The following MYO3A variants were observed in gnomAD, a reference collection of about 807,000 sequenced individuals.
The protein encoded by MYO3A is myosin IIIA.
Under a neutral mutation model 192.7 loss-of-function variants are expected in MYO3A, and 180 were observed. That is an observed-to-expected ratio of 0.93 (90% CI 0.83 to 1.06). The LOEUF is 1.06. MYO3A is among the 50% of genes least tolerant of loss of function. The probability of loss-of-function intolerance (pLI) is 0.00; values close to 1 mark genes in which losing one functional copy is unlikely to be tolerated. For missense variants in MYO3A, 1,896 were observed against 1,905.0 expected (o/e 1.00, Z 0.09); for synonymous variants, 628 against 645.3 (o/e 0.97, Z 0.41).
At chr10:26,017,753 A>G (rs1179818076) in intron 7 of MYO3A, among the ~76,000 whole-genome samples, 1 of 151,776 alleles carries the variant, frequency 6.6e-6, no homozygotes, top group African/African-American at 2.4e-5. Context: ...AAAATCCACA[A>G]TGGATTAAAA....
chr10:26,032,475 G>A (rs938328812), intron 10 of MYO3A, among the ~76,000 whole-genome samples: 1 of 152,080 alleles, frequency 6.6e-6, no homozygotes, highest in Non-Finnish European at 1.5e-5. Flanking sequence ...AATTAGCCAG[G>A]TGTGGTGGCA....
chr10:26,172,438 C>T (rs554228070), intron 29 of MYO3A, among the ~76,000 whole-genome samples: 67 of 152,254 alleles, frequency 4.4e-4, no homozygotes, highest in African/African-American at 1.5e-3. Context: ...CCCAGCCAGC[C>T]GCAACACAGA....
At chr10:26,148,597 TC>T (rs1840610325) in intron 23 of MYO3A, among the ~76,000 whole-genome samples, 1 of 152,244 alleles carries the variant, frequency 6.6e-6, no homozygotes, top group African/African-American at 2.4e-5. Flanking sequence ...AGAATTGGTA[TC>T]TTCCCAACAT....
At chr10:26,122,152 CA>C (rs1404068535) in intron 18 of MYO3A, among the ~76,000 whole-genome samples, 1 of 152,068 alleles carries the variant, frequency 6.6e-6, no homozygotes, top group East Asian at 1.9e-4. Context: ...TAGCAGCAGC[CA>C]ATGGAATGAG....
Position 26,189,985 on chromosome 10 carries a change from C to T in MYO3A, c.4439-3220C>T, listed in dbSNP as rs575684530. Among the ~76,000 whole-genome samples, 25 of 152,238 alleles carry T rather than the reference C, an allele frequency of 1.6e-4. No individual in the cohort carries two copies. The South Asian group carries it at 5.2e-3, about 32-fold the overall frequency. ...GAATGAGGCAGGAGAATAGCTTGAACCAGGGAGGCAGAGGTTGCAGTGAGC... is the reference window on the plus strand; with the variant it reads ...GAATGAGGCAGGAGAATAGCTTGAATCAGGGAGGCAGAGGTTGCAGTGAGC... On this transcript the variant is annotated intron_variant, in intron 31 of 34. Transcript: ENST00000642920.
intron 34 of MYO3A, 128 bp from the exon 35 acceptor site, chr10:26,211,715 T>C: frequency 2.1e-6 from 3 of 1,436,782 alleles, no homozygotes; most frequent in Non-Finnish European, 2.9e-6. Context: ...TCGTTTCGAT[T>C]GTGCCTTTCC....
chr10:26,179,584 T>C (rs1257765859), intron 31 of MYO3A, among the ~76,000 whole-genome samples: 1 of 152,196 alleles, frequency 6.6e-6, no homozygotes, highest in Non-Finnish European at 1.5e-5. Context: ...ATTGACATTG[T>C]CAAGTGAGAA....
chr10:25,973,764 C>G lies in MYO3A; in HGVS notation c.303+18756C>G, dbSNP rs915607800. ...AGACATATAGATCAATGGAACAGAA[C>G]AGACACCTAAGAAATAACACCACAC... On this transcript the variant is annotated intron_variant, in intron 4 of 34. Coordinates refer to ENST00000642920, the MANE Select transcript of MYO3A (RefSeq NM_017433.5). Among the ~76,000 whole-genome samples the G allele has an allele frequency of 2.0e-5, 3 of 152,094 alleles. No individual in the cohort carries two copies. The South Asian group carries it at 6.2e-4, about 32-fold the overall frequency.
At chr10:26,206,543 G>A (rs1252648414) in intron 34 of MYO3A, among the ~76,000 whole-genome samples, 1 of 151,824 alleles carries the variant, frequency 6.6e-6, no homozygotes, top group Non-Finnish European at 1.5e-5. Flanking sequence ...CCACCTCCCA[G>A]GTTCAAGTGA....
chr10:25,973,989 T>G (rs1838819231), intron 4 of MYO3A, among the ~76,000 whole-genome samples: 1 of 152,092 alleles, frequency 6.6e-6, no homozygotes, highest in Non-Finnish European at 1.5e-5. Flanking sequence ...GTAAAAACCC[T>G]CGAAGAAAAC....
At chr10:26,145,323 A>G (rs900407043) in intron 21 of MYO3A, 123 bp from the exon 22 acceptor site, 10 of 693,346 alleles carry the variant, frequency 1.4e-5, no homozygotes, top group Non-Finnish European at 1.8e-5. Context: ...AAATCTGCAT[A>G]TATTAGCTAT....
In MYO3A at chr10:26,021,245, C is replaced by T. The variant is rs147399440; in HGVS notation, c.586-258C>T. Among the ~76,000 whole-genome samples the T allele has an allele frequency of 3.0e-3, 450 of 152,224 alleles. 3 individuals are homozygous for T. Among genetic ancestry groups the T allele is most frequent in the African/African-American group, 0.01 (436 of 41,540 alleles). ...ACACGATTTCTTTCCTCTTTTTGTT[C>T]CATATTTTCAAAAATATTTTTCATA... On this transcript the variant is annotated intron_variant, in intron 7 of 34. Transcript: ENST00000642920.
At chr10:26,149,993 T>C (rs1324765790) in intron 23 of MYO3A, among the ~76,000 whole-genome samples, 2 of 151,926 alleles carry the variant, frequency 1.3e-5, no homozygotes, top group Non-Finnish European at 2.9e-5. Context: ...ATTTCACTTA[T>C]AGTGTCCTTC....
chr10:26,154,850 T>G (rs776215959), intron 25 of MYO3A, 27 bp downstream of exon 25: 1 of 1,567,460 alleles, frequency 6.4e-7, no homozygotes, highest in East Asian at 2.3e-5. Context: ...TGATGTATTG[T>G]GCTTAGGGGT....
intron 31 of MYO3A, among the ~76,000 whole-genome samples, chr10:26,188,963 C>T (rs559528586): frequency 2.6e-5 from 4 of 152,272 alleles, no homozygotes; most frequent in African/African-American, 7.2e-5. Context: ...ATTGACTTGG[C>T]AATGTGGGCT....
intron 10 of MYO3A, among the ~76,000 whole-genome samples, chr10:26,028,605 C>T (rs1378560287): frequency 6.6e-6 from 1 of 152,182 alleles, no homozygotes; most frequent in African/African-American, 2.4e-5. Context: ...GAAGTGTATT[C>T]ACATTGTGTA....
chr10:26,174,852 TATCTTTAATTAG>T (rs1842240798), intron 30 of MYO3A, among the ~76,000 whole-genome samples: 1 of 151,664 alleles, frequency 6.6e-6, no homozygotes, highest in Admixed American at 6.6e-5. Context: ...AAGTTTGATG[TATCTTTAATTAG>T]ATCTTTAATT....
chr10:26,126,491 T>C (rs1839224362), intron 19 of MYO3A, among the ~76,000 whole-genome samples: 1 of 152,228 alleles, frequency 6.6e-6, no homozygotes, highest in African/African-American at 2.4e-5. Flanking sequence ...TTCTCCATGT[T>C]CTTAACTTTG....
chr10:26,133,158 T>C (rs1441470648), intron 20 of MYO3A, among the ~76,000 whole-genome samples: 2 of 152,240 alleles, frequency 1.3e-5, no homozygotes, highest in Non-Finnish European at 2.9e-5. Flanking sequence ...GTCATATGTG[T>C]GCAAATGGTA....
Sources: allele counts gnomAD v4.1 joint callset (sites outside exome capture counted in the v4.1 genomes callset), GRCh38; gene constraint gnomAD v4.1.1; transcripts MANE v1.5; gene names NCBI Gene and HGNC (gene_info 2026-07-23, HGNC 2026-07-21).